The following APBA3 variants were observed in gnomAD, a reference collection of about 807,000 sequenced individuals.
The protein encoded by APBA3 is amyloid beta precursor protein binding family A member 3.
APBA3 carries 45 observed loss-of-function variants against 55.9 expected under a neutral mutation model. That is an observed-to-expected ratio of 0.80 (90% CI 0.63 to 1.03). The LOEUF (loss-of-function observed/expected upper bound fraction) is 1.03, where lower values mean the gene tolerates loss of function less well. Among genes scored for constraint, APBA3 ranks in the 50% least tolerant of loss-of-function variants. APBA3 has a pLI of 0.00. For synonymous variants in APBA3, 370 were observed against 353.3 expected, an observed-to-expected ratio of 1.05 and a Z score of -0.53; for missense variants, 865 against 820.3, an observed-to-expected ratio of 1.05 and a Z score of -0.67.
Position 3,759,856 on chromosome 19 carries a change from G to C in APBA3, c.409C>G (p.Arg137Gly). 6.2e-7 allele frequency: 1 copy of C among 1,612,572 alleles called. No individual in the cohort carries two copies. The highest frequency in any genetic ancestry group is 1.1e-5 in the South Asian group (1 of 91,066). ...GPEEPLEPAPRLLQPPEDPDE... is the reference protein window; with the variant it reads ...GPEEPLEPAPGLLQPPEDPDE... ...GGGTCCTCAGGGGGCTGCAACAGTCGGGGGGCAGGCTCTAGAGGCTCTTCA... is the reference window on the plus strand; with the variant it reads ...GGGTCCTCAGGGGGCTGCAACAGTCCGGGGGCAGGCTCTAGAGGCTCTTCA... Residue 137 changes from arginine (R) to glycine (G), a missense_variant, in exon 2 of 11, where the codon CGA (arginine) becomes GGA (glycine). Arg to Gly is a moderately radical substitution (Grantham distance 125). Coordinates refer to ENST00000316757, the MANE Select transcript of APBA3 (RefSeq NM_004886.4).
Position 3,750,779 on chromosome 19 carries a change from G to C in APBA3, c.*247C>G, listed in dbSNP as rs570389483. ...AGAACCCACAACCTTACCTCCCTCC[G>C]CCTGGTCTTTAATAAACAGAGTATT... On this transcript the variant is annotated 3_prime_UTR_variant, in exon 11 of 11. Coordinates refer to ENST00000316757, the MANE Select transcript of APBA3 (RefSeq NM_004886.4). 1 of 1,143,772 alleles carries C rather than the reference G, an allele frequency of 8.7e-7. No individual in the cohort carries two copies. Among genetic ancestry groups the C allele is most frequent in the Non-Finnish European group, 1.3e-6 (1 of 784,960 alleles). The allele number at this position is 1,143,772 out of a possible 1,614,324, so 70.9% of individuals were successfully genotyped here.
rs776810294 is a variant in APBA3, at chr19:3,759,770, G to A, written c.495C>T (p.Ser165=). The change falls in exon 2 of 11, where the codon AGC becomes AGT. Residue 165 remains serine, a synonymous_variant. Coordinates refer to ENST00000316757, the MANE Select transcript of APBA3 (RefSeq NM_004886.4). The part of the protein sequence containing the change: ...VEGASAEQEG[S]RSSSSSPEPW... ...GTTCCGGGGAACTGCTTGAGCTCCT[G>A]CTGCCCTCCTGCTCAGCAGAGGCCC... 1.9e-6 allele frequency: 3 copies of A among 1,612,610 alleles called. No homozygotes were observed. In the Admixed American group the frequency reaches 5.0e-5, roughly 27 times the overall value.
rs939711135 is a variant in APBA3, at chr19:3,752,658, G to A, written c.1245C>T (p.Gly415=). Residue 415 remains glycine, a synonymous_variant, in exon 8 of 11, where the codon GGC becomes GGT. Transcript: ENST00000316757. Reference sequence around the variant, plus strand: ...CGATGACGGCTGTGGGCAGCAGGGAGCCCCAGCCCGACTCCACCAGGGCCA... The same window carrying A: ...CGATGACGGCTGTGGGCAGCAGGGAACCCCAGCCCGACTCCACCAGGGCCA... The part of the protein sequence containing the change: ...LGVALVESGW[G]SLLPTAVIAN... 8 of 1,589,900 alleles carry A rather than the reference G, an allele frequency of 5.0e-6. No homozygotes were observed. Among genetic ancestry groups the A allele is most frequent in the African/African-American group, 1.3e-5 (1 of 74,708 alleles).
chr19:3,757,246 A>G (rs1293501959), intron 3 of APBA3, among the ~76,000 whole-genome samples: 1 of 151,818 alleles, frequency 6.6e-6, no homozygotes, highest in Admixed American at 6.6e-5. Context: ...TTATAGACCC[A>G]TGCCACGTGC....
At chr19:3,752,462 T>A in intron 8 of APBA3, 46 bp downstream of exon 8, 1 of 1,502,078 alleles carries the variant, frequency 6.7e-7, no homozygotes. Context: ...GGGACTCAGC[T>A]CCCCTTCCTG....
At chr19:3,754,883 T>TCTCAAA (rs2037058321) in intron 3 of APBA3, 1 of 152,456 alleles carries the variant, frequency 6.6e-6, no homozygotes, top group South Asian at 2.0e-4. Context: ...GCCAGGCTGG[T>TCTCAAA]CTCAAACTCC....
chr19:3,752,586 G>A lies in APBA3; in HGVS notation c.1317C>T (p.Ser439=), dbSNP rs751852101. The part of the protein sequence containing the change: ...GGPAERSGAL[S]IGDRLTAING... Reference sequence around the variant, plus strand: ...TGATGGCGGTCAGGCGGTCCCCGATGCTGAGGGCCCCCGAGCGCTCAGCAG... The same window carrying A: ...TGATGGCGGTCAGGCGGTCCCCGATACTGAGGGCCCCCGAGCGCTCAGCAG... The change falls in exon 8 of 11, where the codon AGC becomes AGT. Residue 439 remains serine, a synonymous_variant. Coordinates refer to ENST00000316757, the MANE Select transcript of APBA3 (RefSeq NM_004886.4). 2.5e-6 allele frequency: 4 copies of A among 1,587,520 alleles called. 1 individual carries two copies. In the South Asian group the frequency reaches 4.5e-5, roughly 18 times the overall value.
intron 6 of APBA3, chr19:3,753,327 G>C (rs10412366): frequency 0.36 from 149,572 of 419,166 alleles, 28,174 homozygotes; most frequent in East Asian, 0.49. Flanking sequence ...CAAGGTTTCG[G>C]GGAGTCGGCC....
chr19:3,751,480 C>G lies in APBA3; in HGVS notation c.1469G>C (p.Arg490Pro), dbSNP rs545628345. The change falls in exon 9 of 11, where the codon CGG (arginine) becomes CCG (proline). Residue 490 changes from arginine (R) to proline (P), a missense_variant. Transcript: ENST00000316757. ...CPPVTTAIIH[R>P]PHAREQLGFC... ...GCCCAGCTGCTCGCGGGCGTGGGGC[C>G]GGTGGATGATGGCGGTGGTGACGGG... 1 of 1,570,484 alleles carries G rather than the reference C, an allele frequency of 6.4e-7. No homozygotes were observed. The highest frequency in any genetic ancestry group is 8.6e-7 in the Non-Finnish European group (1 of 1,162,028).
chr19:3,751,041 C>T lies in APBA3; in HGVS notation c.1713G>A (p.Gln571=). 5.1e-6 allele frequency: 8 copies of T among 1,562,028 alleles called. No homozygotes were observed. The highest frequency in any genetic ancestry group is 6.1e-6 in the Non-Finnish European group (7 of 1,152,898). ...ATYRLLTGQE[Q]PVYL is the part of the protein sequence containing the mutation. Reference sequence around the variant, plus strand: ...GATGAGGTGGTCACAGGTACACGGGCTGCTCCTGGCCTGTAAGGAGGCGAT... The same window carrying T: ...GATGAGGTGGTCACAGGTACACGGGTTGCTCCTGGCCTGTAAGGAGGCGAT... The change falls in exon 11 of 11, where the codon CAG becomes CAA. Residue 571 remains glutamine, a synonymous_variant. Transcript: ENST00000316757.
intron 3 of APBA3, among the ~76,000 whole-genome samples, chr19:3,758,608 G>C (rs1466555454): frequency 6.6e-6 from 1 of 152,170 alleles, no homozygotes; most frequent in Non-Finnish European, 1.5e-5. Flanking sequence ...GGCCAGGCGT[G>C]GTGGCTCACG....
In APBA3 at chr19:3,750,939, TG is replaced by T; in HGVS notation, c.*86del. On this transcript the variant is annotated 3_prime_UTR_variant, in exon 11 of 11. Coordinates refer to ENST00000316757, the MANE Select transcript of APBA3 (RefSeq NM_004886.4). ...GAAATCATACAGGACCAAGAACCGC[TG>T]GGGTCCTGGCCAGCCAGGGCAGGCC... The T allele has an allele frequency of 7.1e-7, 1 of 1,399,730 alleles. No homozygotes were observed. The highest frequency in any genetic ancestry group is 9.9e-7 in the Non-Finnish European group (1 of 1,009,200). The allele number at this position is 1,399,730 out of a possible 1,614,324, so 86.7% of individuals were successfully genotyped here.
chr19:3,757,270 G>C (rs1024603473), intron 3 of APBA3, among the ~76,000 whole-genome samples: 7 of 151,352 alleles, frequency 4.6e-5, no homozygotes, highest in African/African-American at 9.7e-5. Context: ...GCTAATTTTG[G>C]GGGGGGATTT....
At position 3,752,546 on chromosome 19, in the gene APBA3, C is replaced by A; in HGVS notation, c.1357G>T (p.Val453Leu). 1 of 1,588,906 alleles carries A rather than the reference C, an allele frequency of 6.3e-7. No homozygotes were observed. The part of the protein sequence containing the change: ...RLTAINGTSL[V>L]GLPLAACQAA... ...TGGCACGCAGCCAGGGGCAGCCCCA[C>A]CAGGCTGGTCCCGTTGATGGCGGTC... The change falls in exon 8 of 11, where the codon GTG (valine) becomes TTG (leucine). Residue 453 changes from valine to leucine, a missense_variant. Val to Leu is a conservative substitution (Grantham distance 32). Transcript: ENST00000316757.
intron 3 of APBA3, among the ~76,000 whole-genome samples, chr19:3,757,944 C>CT (rs953451424): frequency 1.3e-5 from 2 of 152,080 alleles, no homozygotes; most frequent in African/African-American, 2.4e-5. Flanking sequence ...ATTTGTTTTT[C>CT]TTTTTTTAGA....
At chr19:3,760,326 A>G (rs2037130395) in intron 1 of APBA3, 25 bp from the exon 2 acceptor site, 2 of 1,459,832 alleles carry the variant, frequency 1.4e-6, no homozygotes, top group South Asian at 2.6e-5. Flanking sequence ...GTCAGCACTG[A>G]GGTTTCGCCC....
chr19:3,751,773 A>G (rs1019358667), intron 8 of APBA3: 6 of 563,080 alleles, frequency 1.1e-5, no homozygotes, highest in Non-Finnish European at 1.8e-5. Context: ...TATGGCCAAA[A>G]GCCAAGCCGA....
In APBA3 at chr19:3,760,304, G is replaced by C. The variant is rs758287125; in HGVS notation, c.-37-3C>G. 1.3e-6 allele frequency: 2 copies of C among 1,530,616 alleles called. No homozygotes were observed. The highest frequency in any genetic ancestry group is 1.7e-4 in the Middle Eastern group (1 of 5,812). 94.8% of individuals were successfully genotyped at this position (1,530,616 alleles called of 1,614,324 possible). ...CTTAGGCCGGCATCTTCAGGCAGCT[G>C]AAAGAGAGAGAGTCAGCACTGAGGT... On this transcript the variant is annotated splice_region_variant and splice_polypyrimidine_tract_variant and intron_variant, in intron 1 of 10. Coordinates refer to ENST00000316757, the MANE Select transcript of APBA3 (RefSeq NM_004886.4).
Position 3,751,234 on chromosome 19 carries a change from C to T in APBA3, c.1611G>A (p.Thr537=), listed in dbSNP as rs577843769. 30 of 1,548,208 alleles carry T rather than the reference C, an allele frequency of 1.9e-5. No individual in the cohort carries two copies. The highest frequency in any genetic ancestry group is 3.6e-5 in the South Asian group (3 of 84,180). ...GCAGCTCGATGATGCGGGCGTGTGG[C>T]GTGGCCACCACACTCTGCCCATTGA... ...IEINGQSVVA[T]PHARIIELLT... Residue 537 remains threonine, a synonymous_variant, in exon 10 of 11, where the codon ACG becomes ACA. Transcript: ENST00000316757.
Sources: gnomAD v4.1 joint callset for allele counts (sites outside exome capture counted in the v4.1 genomes callset) on GRCh38, gnomAD v4.1.1 for gene constraint, MANE v1.5 for transcripts, NCBI Gene and HGNC (gene_info 2026-07-23, HGNC 2026-07-21) for gene names.